Variants in PALLD observed in about 807,000 individuals in gnomAD.
PALLD encodes the protein palladin.
A neutral mutation model predicts 123.5 loss-of-function variants in PALLD; 61 were observed. That is an observed-to-expected ratio of 0.49 (90% CI 0.40 to 0.61). The LOEUF (loss-of-function observed/expected upper bound fraction) is 0.61, where lower values mean the gene tolerates loss of function less well. Among genes scored for constraint, PALLD ranks in the 20% least tolerant of loss-of-function variants. PALLD has a pLI of 0.00. For synonymous variants in PALLD, 465 were observed against 496.4 expected (o/e 0.94, Z 0.84); for missense variants, 1,273 against 1,377.0 (o/e 0.92, Z 1.20).
At chr4:168,797,319 T>C (rs1738648354) in intron 10 of PALLD, among the ~76,000 whole-genome samples, 1 of 152,110 alleles carries the variant, frequency 6.6e-6, no homozygotes. Flanking sequence ...TACCAAATAC[T>C]ATGTAGCAAT....
At chr4:168,854,909 G>T (rs1748357506) in intron 10 of PALLD, among the ~76,000 whole-genome samples, 1 of 152,170 alleles carries the variant, frequency 6.6e-6, no homozygotes, top group Admixed American at 6.5e-5. Context: ...GGGTCCGTCT[G>T]TGCTGAGCAC....
intron 17 of PALLD, among the ~76,000 whole-genome samples, chr4:168,916,727 C>A (rs1193828594): frequency 7.0e-6 from 1 of 142,824 alleles, no homozygotes; most frequent in Non-Finnish European, 1.5e-5. Flanking sequence ...TGTCACCAGG[C>A]TGGAGTGCAG....
intron 2 of PALLD, among the ~76,000 whole-genome samples, chr4:168,557,075 G>A (rs938890163): frequency 5.8e-5 from 7 of 121,442 alleles, no homozygotes; most frequent in Non-Finnish European, 9.8e-5. Flanking sequence ...ACAGAGTCTC[G>A]CTCTGTTGCC....
At chr4:168,717,189 C>G (rs1353335935) in intron 10 of PALLD, among the ~76,000 whole-genome samples, 1 of 152,056 alleles carries the variant, frequency 6.6e-6, no homozygotes, top group Non-Finnish European at 1.5e-5. Context: ...TTTCATTGCT[C>G]TTTCACTAGG....
intron 2 of PALLD, among the ~76,000 whole-genome samples, chr4:168,604,289 A>G (rs1480652110): frequency 6.6e-6 from 1 of 152,216 alleles, no homozygotes; most frequent in Non-Finnish European, 1.5e-5. Context: ...CCAAGAGTAA[A>G]CCAGATATCC....
intron 2 of PALLD, among the ~76,000 whole-genome samples, chr4:168,619,033 G>A (rs72697291): frequency 0.053 from 8,102 of 152,254 alleles, 296 homozygotes; most frequent in Non-Finnish European, 0.075. Context: ...GAGCCATGAC[G>A]AGGCCTGCTG....
rs913597294 is a variant in PALLD at position 168,617,344 on chromosome 4, T to A, written c.909-50846T>A. ...ATGATATAGACTCCAAGAAAAAAAATGTCTGCTTTTTCTTCCATAATCCTA... is the reference window on the plus strand; with the variant it reads ...ATGATATAGACTCCAAGAAAAAAAAAGTCTGCTTTTTCTTCCATAATCCTA... On this transcript the variant is annotated intron_variant, in intron 2 of 21. Coordinates refer to ENST00000505667, the MANE Select transcript of PALLD (RefSeq NM_001166108.2). Among the ~76,000 whole-genome samples the A allele has an allele frequency of 8.5e-5, 13 of 152,102 alleles. 1 individual carries two copies. The highest frequency in any genetic ancestry group is 2.9e-4 in the African/African-American group (12 of 41,484).
At chr4:168,853,647 A>T (rs1748135201) in intron 10 of PALLD, among the ~76,000 whole-genome samples, 1 of 152,004 alleles carries the variant, frequency 6.6e-6, no homozygotes, top group Non-Finnish European at 1.5e-5. Flanking sequence ...ATTGAAGGGA[A>T]GGGCTGAGAC....
intron 2 of PALLD, among the ~76,000 whole-genome samples, chr4:168,620,467 A>G (rs1387791919): frequency 6.6e-6 from 1 of 152,198 alleles, no homozygotes; most frequent in Non-Finnish European, 1.5e-5. Flanking sequence ...AAAACAAAAA[A>G]AATTACCCTT....
chr4:168,803,520 AC>A (rs1739668497), intron 10 of PALLD, among the ~76,000 whole-genome samples: 1 of 152,104 alleles, frequency 6.6e-6, no homozygotes, highest in Non-Finnish European at 1.5e-5. Flanking sequence ...CCCTGTCTCT[AC>A]CAATAATCAA....
chr4:168,505,068 A>T (rs146153008), intron 1 of PALLD: 1 of 152,220 alleles, frequency 6.6e-6, no homozygotes. Context: ...GTGCTGACTG[A>T]CATGGAAATC....
At chr4:168,766,821 C>G (rs1389116555) in intron 10 of PALLD, among the ~76,000 whole-genome samples, 8 of 152,200 alleles carry the variant, frequency 5.3e-5, no homozygotes, top group Non-Finnish European at 1.2e-4. Context: ...TTTTCTACGT[C>G]TAGCCAAAAC....
chr4:168,793,349 A>ATATACATATATGTGTGCATATG, intron 10 of PALLD, among the ~76,000 whole-genome samples: 1 of 81,918 alleles, frequency 1.2e-5, no homozygotes, highest in African/African-American at 4.5e-5. Context: ...GTGTGCATAT[A>ATATACATATATGTGTGCATATG]TATACATATA....
chr4:168,793,053 C>T (rs1035267826), intron 10 of PALLD, among the ~76,000 whole-genome samples: 4 of 150,832 alleles, frequency 2.7e-5, no homozygotes, highest in African/African-American at 4.9e-5. Flanking sequence ...AGGAGTGGGG[C>T]GTATTTTTAA....
chr4:168,686,194 GT>G (rs1393674665), intron 6 of PALLD, among the ~76,000 whole-genome samples: 1 of 151,884 alleles, frequency 6.6e-6, no homozygotes, highest in Non-Finnish European at 1.5e-5. Flanking sequence ...AGCTTCCTGG[GT>G]TTTTTTGTTT....
chr4:168,600,069 G>GTGTACACATA (rs1561291249), intron 2 of PALLD, among the ~76,000 whole-genome samples: 22 of 144,580 alleles, frequency 1.5e-4, no homozygotes, highest in Middle Eastern at 6.9e-3. Context: ...ACATACATGT[G>GTGTACACATA]TATACACACA....
At chr4:168,761,188 C>T (rs1425841096) in intron 10 of PALLD, among the ~76,000 whole-genome samples, 4 of 152,112 alleles carry the variant, frequency 2.6e-5, no homozygotes, top group East Asian at 1.9e-4. Flanking sequence ...GTTTTTCATA[C>T]GGAAAAGTTT....
chr4:168,576,836 T>C lies in PALLD; in HGVS notation c.908+64424T>C, dbSNP rs576718240. On this transcript the variant is annotated intron_variant, in intron 2 of 21. Transcript: ENST00000505667. ...CTGACTTCCACAATGGTTGAACTAG[T>C]TTACAGTCCTACCAACAGTGTAAAA... is the stretch of plus-strand genomic sequence containing the variant. 2.0e-3 allele frequency among the ~76,000 whole-genome samples: 302 copies of C among 152,190 alleles called. 2 individuals are homozygous for C. Among genetic ancestry groups the C allele is most frequent in the Non-Finnish European group, 3.9e-3 (262 of 67,980 alleles).
rs1581874342 is a variant in PALLD at position 168,878,354 on chromosome 4, G to A, written c.1965-12568G>A. The A allele has an allele frequency of 6.6e-7, 1 of 1,518,708 alleles. No individual in the cohort carries two copies. Among genetic ancestry groups the A allele is most frequent in the Admixed American group, 2.0e-5 (1 of 49,634 alleles). 94.1% of individuals were successfully genotyped at this position (1,518,708 alleles called of 1,614,324 possible). On this transcript the variant is annotated intron_variant, in intron 10 of 21. Coordinates refer to ENST00000505667, the MANE Select transcript of PALLD (RefSeq NM_001166108.2). ...GCTGCCCTCGCAGCCGCCGCCGGCG[G>A]CCGTCAACGCCCTGGGGCTGCCCAA...
Sources: gnomAD v4.1 joint callset for allele counts (sites outside exome capture counted in the v4.1 genomes callset) on GRCh38, gnomAD v4.1.1 for gene constraint, MANE v1.5 for transcripts, NCBI Gene and HGNC (gene_info 2026-07-23, HGNC 2026-07-21) for gene names.